ASTN2: variants seen among roughly 807,000 people sequenced by gnomAD.
The protein encoded by ASTN2 is astrotactin 2.
A neutral mutation model predicts 139.8 loss-of-function variants in ASTN2; 54 were observed. That is an observed-to-expected ratio of 0.39 (90% CI 0.31 to 0.48). The LOEUF (loss-of-function observed/expected upper bound fraction) is 0.48, where lower values mean the gene tolerates loss of function less well. ASTN2 is among the 20% of genes least tolerant of loss of function. The pLI is 0.95. For missense variants in ASTN2, 1,565 were observed against 1,725.1 expected (o/e 0.91, Z 1.64); for synonymous variants, 756 against 719.5 (o/e 1.05, Z -0.81).
At chr9:116,946,735 G>A (rs1835404015) in intron 10 of ASTN2, among the ~76,000 whole-genome samples, 1 of 152,034 alleles carries the variant, frequency 6.6e-6, no homozygotes, top group Non-Finnish European at 1.5e-5. Context: ...AATCTTGGGG[G>A]CTTGAGGTGG....
intron 16 of ASTN2, chr9:116,697,610 A>T (rs1860930543): frequency 8.6e-7 from 1 of 1,169,036 alleles, no homozygotes; most frequent in Non-Finnish European, 1.2e-6. Context: ...TCTTGAGTGA[A>T]TTTATTTATA....
At chr9:116,490,271 G>GAAAAAAAAAAAAAAA in intron 19 of ASTN2, among the ~76,000 whole-genome samples, 1 of 2,316 alleles carries the variant, frequency 4.3e-4, no homozygotes, top group Non-Finnish European at 9.0e-4. Flanking sequence ...GTGATAAAAA[G>GAAAAAAAAAAAAAAA]TAAAAAAAAA....
chr9:117,227,940 A>C (rs1216098443), intron 2 of ASTN2, among the ~76,000 whole-genome samples: 2 of 152,188 alleles, frequency 1.3e-5, no homozygotes, highest in Non-Finnish European at 2.9e-5. Context: ...TATTACTATT[A>C]CTATATCTAG....
At chr9:116,592,207 G>C (rs1242604559) in intron 19 of ASTN2, among the ~76,000 whole-genome samples, 1 of 152,152 alleles carries the variant, frequency 6.6e-6, no homozygotes, top group African/African-American at 2.4e-5. Context: ...TTGCTATAAA[G>C]AAATAACTGA....
chr9:116,651,835 G>A (rs770555200), intron 16 of ASTN2, 42 bp from the exon 17 acceptor site: 3 of 1,595,558 alleles, frequency 1.9e-6, no homozygotes. Context: ...GTAAACTCAG[G>A]ATTATTCAAA....
chr9:117,113,501 C>T (rs1352409998), intron 4 of ASTN2, among the ~76,000 whole-genome samples: 1 of 152,038 alleles, frequency 6.6e-6, no homozygotes, highest in Admixed American at 6.6e-5. Flanking sequence ...ACTAAATATA[C>T]AAAAATTAGC....
At chr9:116,513,320 A>C (rs1850487922) in intron 19 of ASTN2, among the ~76,000 whole-genome samples, 1 of 152,208 alleles carries the variant, frequency 6.6e-6, no homozygotes, top group African/African-American at 2.4e-5. Flanking sequence ...AGAATGTTGA[A>C]TATTGGCCCC....
At chr9:116,842,361 T>C (rs1380374951) in intron 11 of ASTN2, among the ~76,000 whole-genome samples, 1 of 152,132 alleles carries the variant, frequency 6.6e-6, no homozygotes, top group African/African-American at 2.4e-5. Context: ...ACCTCTAAGA[T>C]ACAATATACT....
chr9:116,531,739 C>G (rs973921919), intron 19 of ASTN2, among the ~76,000 whole-genome samples: 6 of 152,126 alleles, frequency 3.9e-5, no homozygotes, highest in Admixed American at 3.9e-4. Context: ...TGTATATGTG[C>G]CACATTTTCT....
intron 11 of ASTN2, among the ~76,000 whole-genome samples, chr9:116,839,479 T>C (rs894426728): frequency 1.2e-4 from 18 of 151,918 alleles, no homozygotes; most frequent in African/African-American, 4.1e-4. Flanking sequence ...TCCCCAAAGA[T>C]CGTTCATGTA....
At chr9:116,845,953 C>T (rs1455807228) in intron 11 of ASTN2, among the ~76,000 whole-genome samples, 1 of 152,062 alleles carries the variant, frequency 6.6e-6, no homozygotes, top group African/African-American at 2.4e-5. Context: ...TCATAATAGC[C>T]TAAAAGGTAG....
intron 10 of ASTN2, among the ~76,000 whole-genome samples, chr9:116,911,454 T>C (rs1443557095): frequency 6.6e-6 from 1 of 152,206 alleles, no homozygotes; most frequent in Non-Finnish European, 1.5e-5. Flanking sequence ...AAAGTAATTA[T>C]AGTATCTTGG....
chr9:116,825,574 CA>C (rs1303759830), intron 11 of ASTN2, among the ~76,000 whole-genome samples: 3 of 152,106 alleles, frequency 2.0e-5, no homozygotes, highest in African/African-American at 7.2e-5. Context: ...TAGGATTCAA[CA>C]GGGGAGAAAT....
At chr9:116,798,399 A>G (rs1220019517) in intron 13 of ASTN2, among the ~76,000 whole-genome samples, 1 of 152,250 alleles carries the variant, frequency 6.6e-6, no homozygotes, top group Admixed American at 6.5e-5. Flanking sequence ...GATGTAGTAT[A>G]GTTCTCAGAG....
chr9:116,883,845 T>G (rs1833519201), intron 10 of ASTN2, among the ~76,000 whole-genome samples: 1 of 152,194 alleles, frequency 6.6e-6, no homozygotes, highest in African/African-American at 2.4e-5. Context: ...ATGCAACACT[T>G]TCATTCAGAG....
At chr9:117,395,876 T>C (rs1300843822) in intron 1 of ASTN2, among the ~76,000 whole-genome samples, 6 of 152,238 alleles carry the variant, frequency 3.9e-5, no homozygotes, top group Non-Finnish European at 5.9e-5. Context: ...TCTAAAAATA[T>C]TGAAAGCTAC....
At chr9:117,093,126 C>T (rs995568599) in intron 5 of ASTN2, among the ~76,000 whole-genome samples, 1 of 152,104 alleles carries the variant, frequency 6.6e-6, no homozygotes, top group African/African-American at 2.4e-5. Flanking sequence ...AAGATCCACC[C>T]GTCCACTCTC....
chr9:116,902,217 G>A (rs1291666471), intron 10 of ASTN2, among the ~76,000 whole-genome samples: 1 of 152,094 alleles, frequency 6.6e-6, no homozygotes, highest in Non-Finnish European at 1.5e-5. Flanking sequence ...ATATGGAGGT[G>A]GAAGACAGTG....
intron 10 of ASTN2, among the ~76,000 whole-genome samples, chr9:116,869,473 C>G (rs1224499222): frequency 2.0e-5 from 3 of 152,146 alleles, no homozygotes; most frequent in South Asian, 2.1e-4. Flanking sequence ...TCTTCTCACT[C>G]TAGACACTTC....
Sources: allele counts gnomAD v4.1 joint callset (sites outside exome capture counted in the v4.1 genomes callset), GRCh38; gene constraint gnomAD v4.1.1; transcripts MANE v1.5; gene names NCBI Gene and HGNC (gene_info 2026-07-23, HGNC 2026-07-21).